MAVS: variants seen among roughly 807,000 people sequenced by gnomAD.
The protein encoded by MAVS is mitochondrial antiviral-signaling protein.
Under a neutral mutation model 30.2 loss-of-function variants are expected in MAVS, and 20 were observed. That is an observed-to-expected ratio of 0.66 (90% CI 0.47 to 0.96). MAVS has a LOEUF of 0.96. Ranked by LOEUF, MAVS falls within the 40% of genes least tolerant of loss-of-function variation. The pLI, the probability that MAVS is intolerant of heterozygous loss-of-function variation, is 0.00. For missense variants in MAVS, 624 were observed against 701.1 expected, an observed-to-expected ratio of 0.89 and a Z score of 1.24; for synonymous variants, 278 against 293.9, an observed-to-expected ratio of 0.95 and a Z score of 0.55.
intron 1 of MAVS, among the ~76,000 whole-genome samples, chr20:3,848,295 C>T (rs2089726724): frequency 6.6e-6 from 1 of 152,094 alleles, no homozygotes. Context: ...GACGGGGTTT[C>T]ACCATGTTGG....
rs2089958400 is a variant in MAVS at position 3,871,894 on chromosome 20, T to C, written c.*5747T>C. The C allele has an allele frequency of 6.6e-6, 1 of 152,358 alleles. No individual in the cohort carries two copies. Among genetic ancestry groups the C allele is most frequent in the African/African-American group, 2.4e-5 (1 of 41,454 alleles). The allele number at this position is 152,358 out of a possible 1,614,324, so 9.4% of individuals were successfully genotyped here. On this transcript the variant is annotated 3_prime_UTR_variant, in exon 7 of 7. Transcript: ENST00000428216. ...AGCAATAATAATAAGGGTTACAACT[T>C]ACTCCATACCTTACTGTCTGCCAGG...
chr20:3,851,494 A>G (rs933295393), intron 1 of MAVS, among the ~76,000 whole-genome samples: 1 of 122,142 alleles, frequency 8.2e-6, no homozygotes, highest in East Asian at 2.5e-4. Context: ...CGACAGGGAG[A>G]CTCTGTCTCA....
At chr20:3,859,867 A>C (rs1355384914) in intron 3 of MAVS, among the ~76,000 whole-genome samples, 7 of 151,406 alleles carry the variant, frequency 4.6e-5, no homozygotes, top group Non-Finnish European at 1.0e-4. Context: ...CCCAGGCTGG[A>C]GTGCAGTGGT....
At chr20:3,856,702 T>C (rs1387826295) in intron 2 of MAVS, among the ~76,000 whole-genome samples, 1 of 152,012 alleles carries the variant, frequency 6.6e-6, no homozygotes, top group Non-Finnish European at 1.5e-5. Context: ...GTTTCTGCTG[T>C]CTGGTTGCTT....
intron 1 of MAVS, among the ~76,000 whole-genome samples, chr20:3,853,290 T>C (rs553276658): frequency 6.0e-5 from 9 of 150,018 alleles, no homozygotes; most frequent in African/African-American, 1.7e-4. Flanking sequence ...ATCGAGACCA[T>C]CCTGGCTAAC....
chr20:3,870,232 T>C lies in MAVS; in HGVS notation c.*4085T>C, dbSNP rs1489689026. ...GGGACCTGAGAAAGCGTACTTCACC[T>C]TGGGGTGAAGGCTGGGTGGGGCCAG... On this transcript the variant is annotated 3_prime_UTR_variant, in exon 7 of 7. Transcript: ENST00000428216. The C allele has an allele frequency of 2.6e-5, 4 of 152,388 alleles. No homozygotes were observed. Among genetic ancestry groups the C allele is most frequent in the African/African-American group, 9.6e-5 (4 of 41,458 alleles). 9.4% of individuals were successfully genotyped at this position (152,388 alleles called of 1,614,324 possible).
intron 3 of MAVS, among the ~76,000 whole-genome samples, chr20:3,858,446 G>A (rs1000937406): frequency 3.9e-5 from 6 of 152,064 alleles, no homozygotes; most frequent in East Asian, 1.9e-4. Flanking sequence ...TTGGGAGGCC[G>A]AGGCAGGCGG....
At position 3,866,931 on chromosome 20, in the gene MAVS, G is replaced by A. The variant is rs574655426; in HGVS notation, c.*784G>A. The A allele has an allele frequency of 2.4e-5, 11 of 456,856 alleles. No individual in the cohort carries two copies. The highest frequency in any genetic ancestry group is 4.0e-5 in the Non-Finnish European group (9 of 226,998). The allele number at this position is 456,856 out of a possible 1,614,324, so 28.3% of individuals were successfully genotyped here. On this transcript the variant is annotated 3_prime_UTR_variant, in exon 7 of 7. Coordinates refer to ENST00000428216, the MANE Select transcript of MAVS (RefSeq NM_020746.5). ...TTTGGATTTCAGCTCCCTCACTTCC[G>A]GGGCTGTGTGGCTTTGGCAGATGTC...
intron 2 of MAVS, among the ~76,000 whole-genome samples, chr20:3,856,248 G>A (rs970480102): frequency 1.3e-5 from 2 of 151,444 alleles, no homozygotes; most frequent in African/African-American, 2.4e-5. Context: ...TAGAGACGGG[G>A]TTTCACTGTG....
At chr20:3,854,891 C>CT (rs61256246) in intron 2 of MAVS, 150 bp downstream of exon 2, 24,769 of 302,532 alleles carry the variant, frequency 0.082, 382 homozygotes, top group African/African-American at 0.14. Context: ...TGCTGCTTTT[C>CT]TTTTTTTTTT....
intron 2 of MAVS, among the ~76,000 whole-genome samples, chr20:3,855,516 C>T (rs1212561935): frequency 6.6e-6 from 1 of 152,160 alleles, no homozygotes; most frequent in East Asian, 1.9e-4. Flanking sequence ...CACTCACTAG[C>T]TGGTGAAACG....
Position 3,848,168 on chromosome 20 carries a change from T to C in MAVS, c.-68+1265T>C, listed in dbSNP as rs142859607. On this transcript the variant is annotated intron_variant, in intron 1 of 6. Coordinates refer to ENST00000428216, the MANE Select transcript of MAVS (RefSeq NM_020746.5). ...AGGCTGGAGCGCAGTGGTCCAATCT[T>C]GGCTCACTGCAACCTCTGCCTCCTG... Among the ~76,000 whole-genome samples, 882 of 152,174 alleles carry C rather than the reference T, an allele frequency of 5.8e-3. 9 individuals are homozygous for C. The highest frequency in any genetic ancestry group is 0.02 in the African/African-American group (837 of 41,524).
chr20:3,861,997 C>G (rs2089870611), intron 4 of MAVS, among the ~76,000 whole-genome samples: 1 of 152,190 alleles, frequency 6.6e-6, no homozygotes, highest in Non-Finnish European at 1.5e-5. Flanking sequence ...GATCTGCCCA[C>G]CTTTGCCTCC....
chr20:3,859,780 C>CA (rs781165177), intron 3 of MAVS, among the ~76,000 whole-genome samples: 2 of 151,966 alleles, frequency 1.3e-5, no homozygotes, highest in Non-Finnish European at 2.9e-5. Flanking sequence ...CATCTGCTCT[C>CA]ACCCTCCCAC....
At position 3,869,201 on chromosome 20, in the gene MAVS, C is replaced by G. The variant is rs1014099432; in HGVS notation, c.*3054C>G. The stretch of plus-strand genomic sequence containing the variant: ...TTCTTTTTTTTTTTTGAGATGGAGT[C>G]TTGCTCTGTCACCCAGGCTGGAGTG... On this transcript the variant is annotated 3_prime_UTR_variant, in exon 7 of 7. Coordinates refer to ENST00000428216, the MANE Select transcript of MAVS (RefSeq NM_020746.5). 1.3e-5 allele frequency: 2 copies of G among 149,194 alleles called. No individual in the cohort carries two copies. The highest frequency in any genetic ancestry group is 4.9e-5 in the African/African-American group (2 of 40,502). The allele number at this position is 149,194 out of a possible 1,614,324, so 9.2% of individuals were successfully genotyped here.
At chr20:3,848,750 A>C (rs2089732395) in intron 1 of MAVS, among the ~76,000 whole-genome samples, 4 of 152,044 alleles carry the variant, frequency 2.6e-5, no homozygotes, top group Admixed American at 2.6e-4. Context: ...AGCATCTCAA[A>C]CTTCACTTGT....
At chr20:3,854,340 A>G (rs1010419335) in intron 1 of MAVS, among the ~76,000 whole-genome samples, 2 of 148,408 alleles carry the variant, frequency 1.3e-5, no homozygotes, top group African/African-American at 5.0e-5. Context: ...CAAGAGACTC[A>G]ATTGAACCCA....
chr20:3,862,181 C>T, intron 4 of MAVS, 73 bp from the exon 5 acceptor site: 1 of 1,550,314 alleles, frequency 6.5e-7, no homozygotes, highest in Non-Finnish European at 8.8e-7. Context: ...AGGAGATGCC[C>T]CAAGAGCACA....
At position 3,873,800 on chromosome 20, in the gene MAVS, G is replaced by T. The variant is rs942710371; in HGVS notation, c.*7653G>T. ...TTGTTTACAAATTACCCAGGCTAAG[G>T]TGTTTCATTGTAACCTGAATGGACC... On this transcript the variant is annotated 3_prime_UTR_variant, in exon 7 of 7. Coordinates refer to ENST00000428216, the MANE Select transcript of MAVS (RefSeq NM_020746.5). The T allele has an allele frequency of 1.1e-5, 3 of 275,380 alleles. No individual in the cohort carries two copies. The highest frequency in any genetic ancestry group is 2.2e-5 in the African/African-American group (1 of 45,762). 17.1% of individuals were successfully genotyped at this position (275,380 alleles called of 1,614,324 possible).
Sources: gnomAD v4.1 joint callset for allele counts (sites outside exome capture counted in the v4.1 genomes callset) on GRCh38, gnomAD v4.1.1 for gene constraint, MANE v1.5 for transcripts, NCBI Gene and HGNC (gene_info 2026-07-23, HGNC 2026-07-21) for gene names.